SCLT1: variants seen among roughly 807,000 people sequenced by gnomAD.
SCLT1 encodes the protein sodium channel-associated protein 1.
Under a neutral mutation model 112.8 loss-of-function variants are expected in SCLT1, and 78 were observed. The observed-to-expected ratio is 0.69, with a 90% CI of 0.58 to 0.83. The LOEUF (loss-of-function observed/expected upper bound fraction) is 0.83, where lower values mean the gene tolerates loss of function less well. Ranked by LOEUF, SCLT1 falls within the 40% of genes least tolerant of loss-of-function variation. SCLT1 has a pLI of 0.00. For synonymous variants in SCLT1, 257 were observed against 254.7 expected, an observed-to-expected ratio of 1.01 and a Z score of -0.09; for missense variants, 747 against 770.4, an observed-to-expected ratio of 0.97 and a Z score of 0.36.
At chr4:128,931,026 T>C (rs941900968) in intron 18 of SCLT1, among the ~76,000 whole-genome samples, 1 of 151,938 alleles carries the variant, frequency 6.6e-6, no homozygotes, top group African/African-American at 2.4e-5. Flanking sequence ...TAATAAAATG[T>C]AGAGAAGAAG....
intron 5 of SCLT1, chr4:129,037,631 G>A (rs1320805441): frequency 6.6e-6 from 1 of 152,168 alleles, no homozygotes; most frequent in African/African-American, 2.4e-5. Context: ...TCTCTGAGGT[G>A]TAACTGTAAA....
intron 5 of SCLT1, among the ~76,000 whole-genome samples, chr4:129,019,593 GCAGGCAC>G (rs1745274931): frequency 6.6e-6 from 1 of 151,860 alleles, no homozygotes; most frequent in Non-Finnish European, 1.5e-5. Context: ...CCATAGGAAG[GCAGGCAC>G]CCCAGCAGCC....
intron 11 of SCLT1, among the ~76,000 whole-genome samples, chr4:128,964,164 A>G (rs565572695): frequency 3.9e-5 from 6 of 152,224 alleles, no homozygotes; most frequent in South Asian, 2.1e-4. Context: ...GTTTGCAACT[A>G]TGATGGTATT....
chr4:128,881,528 A>G (rs1732640642), downstream of SCLT1, among the ~76,000 whole-genome samples: 1 of 152,172 alleles, frequency 6.6e-6, no homozygotes, highest in South Asian at 2.1e-4. Context: ...TGCCTGCCCT[A>G]GTTTGCATAT....
chr4:129,031,733 C>T (rs1003249001), intron 5 of SCLT1, among the ~76,000 whole-genome samples: 6 of 152,014 alleles, frequency 3.9e-5, no homozygotes, highest in African/African-American at 9.7e-5. Context: ...GAATAAAATA[C>T]GTAGGAATCC....
chr4:128,919,710 G>A (rs1402711800), intron 18 of SCLT1, among the ~76,000 whole-genome samples: 1 of 150,480 alleles, frequency 6.6e-6, no homozygotes, highest in Admixed American at 6.6e-5. Flanking sequence ...AATGACAAGG[G>A]GATATTACTA....
intron 9 of SCLT1, among the ~76,000 whole-genome samples, chr4:128,982,048 C>T (rs1218932378): frequency 1.3e-5 from 2 of 152,116 alleles, no homozygotes; most frequent in Non-Finnish European, 2.9e-5. Context: ...ATCAGAGAGA[C>T]ATTTATAAGG....
chr4:129,021,712 C>T (rs538173914), intron 5 of SCLT1, among the ~76,000 whole-genome samples: 49 of 152,316 alleles, frequency 3.2e-4, no homozygotes, highest in Non-Finnish European at 3.7e-4. Flanking sequence ...AAGGAAGGGG[C>T]GGCTGTGGGC....
downstream of SCLT1, among the ~76,000 whole-genome samples, chr4:128,879,533 C>CA (rs1306622004): frequency 1.3e-5 from 2 of 152,190 alleles, no homozygotes; most frequent in Admixed American, 6.5e-5. Flanking sequence ...TGCCACCTGC[C>CA]AGCTATGTGA....
At chr4:128,948,836 C>T (rs1447711379) in intron 14 of SCLT1, among the ~76,000 whole-genome samples, 1 of 152,108 alleles carries the variant, frequency 6.6e-6, no homozygotes, top group Non-Finnish European at 1.5e-5. Context: ...ATAAATAGAA[C>T]CCCTTTCTCA....
chr4:129,067,326 A>C (rs1330296038), intron 2 of SCLT1, among the ~76,000 whole-genome samples: 1 of 151,990 alleles, frequency 6.6e-6, no homozygotes. Context: ...TGAAATGCAA[A>C]ATTTTAAATG....
intron 3 of SCLT1, among the ~76,000 whole-genome samples, 190 bp downstream of exon 3, chr4:129,043,801 CAG>C (rs986076320): frequency 3.3e-5 from 5 of 152,110 alleles, no homozygotes; most frequent in East Asian, 3.8e-4. Context: ...CCTGGGGAAA[CAG>C]GGGTAAAGTT....
intron 5 of SCLT1, among the ~76,000 whole-genome samples, chr4:129,030,249 T>C (rs982846448): frequency 2.6e-5 from 4 of 152,132 alleles, no homozygotes; most frequent in Admixed American, 1.3e-4. Context: ...AATCAAGAAG[T>C]TCTTTGAAAC....
chr4:129,034,442 G>C (rs1367315295), intron 5 of SCLT1, among the ~76,000 whole-genome samples: 1 of 149,200 alleles, frequency 6.7e-6, no homozygotes, highest in Non-Finnish European at 1.5e-5. Flanking sequence ...TAAATATCAG[G>C]CTATCAGAAA....
At chr4:128,876,195 ATTTTTGT>A (rs1393284010) in intron 4 of SCLT1, among the ~76,000 whole-genome samples, 1 of 152,192 alleles carries the variant, frequency 6.6e-6, no homozygotes, top group Non-Finnish European at 1.5e-5. Flanking sequence ...CTAATTTATA[ATTTTTGT>A]AAGGATTTGG....
At chr4:129,010,992 G>A (rs769266643) in intron 5 of SCLT1, among the ~76,000 whole-genome samples, 1 of 152,174 alleles carries the variant, frequency 6.6e-6, no homozygotes, top group Non-Finnish European at 1.5e-5. Context: ...TCCTTGTCTT[G>A]TGCCAGTTTT....
Position 129,039,895 on chromosome 4 carries a change from C to T in SCLT1, c.235-799G>A, listed in dbSNP as rs1039761624. 121 of 203,216 alleles carry T rather than the reference C, an allele frequency of 6.0e-4. 3 individuals carry two copies. The highest frequency in any genetic ancestry group is 2.5e-3 in the African/African-American group (42 of 16,522). 12.6% of individuals were successfully genotyped at this position (203,216 alleles called of 1,614,324 possible). The stretch of plus-strand genomic sequence containing the variant: ...TGAATGAGCAAATGGAGAGTGTGCG[C>T]GCGCGCACACACACACACACACACA... On this transcript the variant is annotated intron_variant, in intron 4 of 20. Transcript: ENST00000281142.
At chr4:128,951,605 A>G (rs1738744317) in intron 14 of SCLT1, among the ~76,000 whole-genome samples, 1 of 152,114 alleles carries the variant, frequency 6.6e-6, no homozygotes, top group South Asian at 2.1e-4. Flanking sequence ...ATGATCTTGG[A>G]CTGGGGTAGT....
intron 14 of SCLT1, among the ~76,000 whole-genome samples, chr4:128,948,932 A>T (rs1339719668): frequency 6.6e-6 from 1 of 152,220 alleles, no homozygotes; most frequent in Non-Finnish European, 1.5e-5. Flanking sequence ...ACCCTCAGGG[A>T]TAACCTATGG....
Sources: allele counts gnomAD v4.1 joint callset (sites outside exome capture counted in the v4.1 genomes callset), GRCh38; gene constraint gnomAD v4.1.1; transcripts MANE v1.5; gene names NCBI Gene and HGNC (gene_info 2026-07-23, HGNC 2026-07-21).